PKM: variants seen among roughly 807,000 people sequenced by gnomAD.
PKM encodes the protein pyruvate kinase M1/2.
Under a neutral mutation model 49.8 loss-of-function variants are expected in PKM, and 18 were observed. That is an observed-to-expected ratio of 0.36 (90% CI 0.25 to 0.54). The LOEUF (loss-of-function observed/expected upper bound fraction) is 0.54. PKM is among the 20% of genes least tolerant of loss of function. PKM has a pLI of 0.89. For synonymous variants in PKM, 239 were observed against 261.8 expected, an observed-to-expected ratio of 0.91 and a Z score of 0.84; for missense variants, 508 against 713.8, an observed-to-expected ratio of 0.71 and a Z score of 3.28.
At chr15:72,205,580 A>G (rs989402572) in intron 8 of PKM, among the ~76,000 whole-genome samples, 14 of 151,062 alleles carry the variant, frequency 9.3e-5, no homozygotes, top group Non-Finnish European at 1.8e-4. Flanking sequence ...CAGGATACAT[A>G]GTGAAAAAGG....
In PKM at chr15:72,204,998, G is replaced by C. The variant is rs550389992; in HGVS notation, c.1140+1730C>G. Among the ~76,000 whole-genome samples the C allele has an allele frequency of 4.6e-5, 7 of 152,320 alleles. No individual in the cohort carries two copies. The East Asian group carries it at 1.4e-3, about 29-fold the overall frequency. On this transcript the variant is annotated intron_variant, in intron 8 of 10. Transcript: ENST00000335181. The stretch of plus-strand genomic sequence containing the variant: ...TGGCAATTGTGAGACTGCGCCAAGA[G>C]TATCTAAGCATCAGAACAGCAATCA...
intron 10 of PKM, 80 bp from the exon 11 acceptor site, chr15:72,199,836 G>T: frequency 1.2e-6 from 1 of 867,816 alleles, no homozygotes; most frequent in Non-Finnish European, 1.9e-6. Context: ...CATAGCCTGA[G>T]TACTGAACTA....
At chr15:72,212,846 G>C (rs1041841959) in intron 3 of PKM, among the ~76,000 whole-genome samples, 1 of 152,030 alleles carries the variant, frequency 6.6e-6, no homozygotes, top group Non-Finnish European at 1.5e-5. Flanking sequence ...CCGAGGAGGG[G>C]GGATCACAAG....
chr15:72,224,755 TGA>T (rs1001948464), intron 1 of PKM, among the ~76,000 whole-genome samples: 1 of 151,466 alleles, frequency 6.6e-6, no homozygotes, highest in African/African-American at 2.4e-5. Flanking sequence ...CTTGGGTGGC[TGA>T]GACACAGAAT....
At position 72,224,978 on chromosome 15, in the gene PKM, C is replaced by A. The variant is rs1380543497; in HGVS notation, c.-13-5868G>T. Among the ~76,000 whole-genome samples, 17 of 140,062 alleles carry A rather than the reference C, an allele frequency of 1.2e-4. 1 individual carries two copies. The South Asian group carries it at 3.6e-3, about 30-fold the overall frequency. 91.9% of individuals were successfully genotyped at this position (140,062 alleles called of 152,430 possible). A position where few individuals can be genotyped will look rare whatever the true frequency, so the allele number is the denominator to read the frequency against. On this transcript the variant is annotated intron_variant, in intron 1 of 10. Coordinates refer to ENST00000335181, the MANE Select transcript of PKM (RefSeq NM_002654.6). ...GCTCTGTTGCCCAGGCTGGAGTGCA[C>A]TGGCGCGATCTCAGCTCACTGCAAG... is the stretch of plus-strand genomic sequence containing the variant.
intron 9 of PKM, chr15:72,201,595 C>CT (rs1317090550): frequency 5.3e-5 from 8 of 152,328 alleles, no homozygotes; most frequent in African/African-American, 1.9e-4. Context: ...AAGACTAGAG[C>CT]TTAAAATAGC....
intron 3 of PKM, among the ~76,000 whole-genome samples, chr15:72,214,752 G>C (rs1391256695): frequency 6.6e-6 from 1 of 152,128 alleles, no homozygotes; most frequent in Admixed American, 6.5e-5. Context: ...CCAAGATCGT[G>C]CCACTGCACT....
chr15:72,202,327 G>GCT lies in PKM; in HGVS notation c.1307+126_1307+127insAG. The GCT allele has an allele frequency of 1.1e-6, 1 of 943,988 alleles. No homozygotes were observed. Among genetic ancestry groups the GCT allele is most frequent in the Non-Finnish European group, 1.7e-6 (1 of 603,866 alleles). 58.5% of individuals were successfully genotyped at this position (943,988 alleles called of 1,614,324 possible). Reference sequence around the variant, plus strand: ...CTCAATCCTTCCCTGCAGGCCCAAGGTGGCAGGCAGAGGGGTCTTACCTTG... The same window carrying GCT: ...CTCAATCCTTCCCTGCAGGCCCAAGGCTTGGCAGGCAGAGGGGTCTTACCTTG... On this transcript the variant is annotated intron_variant, in intron 9 of 10. Transcript: ENST00000335181. This position sits in a 1 kb window ranked among gnomAD's most constrained non-coding sequence, Gnocchi z 4.5.
chr15:72,227,744 C>CAAAAAAAAAAAAAAAAAA (rs34876633), intron 1 of PKM, among the ~76,000 whole-genome samples: 2 of 10,806 alleles, frequency 1.9e-4, no homozygotes, highest in African/African-American at 2.9e-4. Context: ...AAAACTATCT[C>CAAAAAAAAAAAAAAAAAA]AAAAAAAAAA....
At position 72,209,799 on chromosome 15, in the gene PKM, C is replaced by T. The variant is rs146173648; in HGVS notation, c.439G>A (p.Ala147Thr). ...GATLKITLDN[A>T]YMEKCDENIL... The stretch of plus-strand genomic sequence containing the variant: ...TTCTCGTCACACTTTTCCATGTAGG[C>T]GTTATCCAGCGTGATTTTGAGAGTG... Residue 147 changes from alanine (A) to threonine (T), a missense_variant, in exon 5 of 11, where the codon GCC (alanine) becomes ACC (threonine). Ala to Thr is a moderately conservative substitution (Grantham distance 58, BLOSUM62 0). Transcript: ENST00000335181. 1.9e-5 allele frequency: 31 copies of T among 1,613,934 alleles called. No individual in the cohort carries two copies. Among genetic ancestry groups the T allele is most frequent in the South Asian group, 1.1e-5 (1 of 91,090 alleles).
chr15:72,230,357 G>A (rs2082821348), intron 1 of PKM, among the ~76,000 whole-genome samples: 1 of 152,190 alleles, frequency 6.6e-6, no homozygotes, highest in Admixed American at 6.5e-5. Context: ...GCCCGCCCCG[G>A]ACACGGGGCC....
At position 72,202,689 on chromosome 15, in the gene PKM, GGA is replaced by G. The variant is rs2081974899; in HGVS notation, c.1141-71_1141-70del. 8 of 1,377,358 alleles carry G rather than the reference GGA, an allele frequency of 5.8e-6. No individual in the cohort carries two copies. The highest frequency in any genetic ancestry group is 1.9e-5 in the Admixed American group (1 of 53,116). 85.3% of individuals were successfully genotyped at this position (1,377,358 alleles called of 1,614,324 possible). ...GCTTTGTCAGAGCTTTGTCACAAAA[GGA>G]GAGGGAGGGGAAGAGTCACCGGACA... On this transcript the variant is annotated intron_variant, in intron 8 of 10. Transcript: ENST00000335181. The surrounding 1 kb of genome is among the most constrained non-coding windows in gnomAD (Gnocchi z 4.5).
intron 8 of PKM, chr15:72,203,579 CT>C (rs1281035678): frequency 9.7e-6 from 3 of 309,498 alleles, no homozygotes; most frequent in Non-Finnish European, 1.9e-5. Context: ...CAGGCCCTCC[CT>C]CCTCACATGG....
At chr15:72,231,516 ACCTGTTGCCG>A (rs1351192518), upstream of PKM, 2 of 152,436 alleles carry the variant, frequency 1.3e-5, no homozygotes, top group African/African-American at 4.8e-5. Flanking sequence ...GCGCCGGGCC[ACCTGTTGCCG>A]CCAAGTTGGG....
At chr15:72,231,038 C>T in intron 1 of PKM, 78 bp downstream of exon 1, 4 of 1,074,360 alleles carry the variant, frequency 3.7e-6, no homozygotes, top group Non-Finnish European at 3.8e-6. Flanking sequence ...CGGGGCCGGC[C>T]GGCGCGCCGG....
At position 72,202,260 on chromosome 15, in the gene PKM, G is replaced by A. The variant is rs141487927; in HGVS notation, c.1307+194C>T. ...ATCCAAATGTTCTGACATTCCTTAT[G>A]AGTGCTACCTAGAGTCCTTTGGGCC... On this transcript the variant is annotated intron_variant, in intron 9 of 10. Coordinates refer to ENST00000335181, the MANE Select transcript of PKM (RefSeq NM_002654.6). This position sits in a 1 kb window ranked among gnomAD's most constrained non-coding sequence, Gnocchi z 4.5. The A allele has an allele frequency of 3.3e-6, 2 of 612,664 alleles. No individual in the cohort carries two copies. Among genetic ancestry groups the A allele is most frequent in the Admixed American group, 2.9e-5 (1 of 34,944 alleles). The allele number at this position is 612,664 out of a possible 1,614,324, so 38.0% of individuals were successfully genotyped here. A position where few individuals can be genotyped will look rare whatever the true frequency, so the allele number is the denominator to read the frequency against.
chr15:72,227,744 C>CAAAAAAAAAAAAAAAAAAAAAAAAAA (rs34876633), intron 1 of PKM, among the ~76,000 whole-genome samples: 1 of 10,808 alleles, frequency 9.3e-5, no homozygotes, highest in Non-Finnish European at 1.8e-4. Flanking sequence ...AAAACTATCT[C>CAAAAAAAAAAAAAAAAAAAAAAAAAA]AAAAAAAAAA....
Position 72,206,740 on chromosome 15 carries a change from G to A in PKM, c.1128C>T (p.Arg376=), listed in dbSNP as rs774928074. 1.9e-6 allele frequency: 3 copies of A among 1,613,066 alleles called. No homozygotes were observed. Among genetic ancestry groups the A allele is most frequent in the Non-Finnish European group, 2.5e-6 (3 of 1,180,042 alleles). The change falls in exon 8 of 11, where the codon CGC becomes CGT. Residue 376 remains arginine, a synonymous_variant. Coordinates refer to ENST00000335181, the MANE Select transcript of PKM (RefSeq NM_002654.6). The part of the protein sequence containing the change: ...AKGDYPLEAV[R]MQHLIAREAE... Reference sequence around the variant, plus strand: ...CCCCAGAACTCACCAGGTGCTGCATGCGCACAGCCTCCAGAGGATAGTCCC... The same window carrying A: ...CCCCAGAACTCACCAGGTGCTGCATACGCACAGCCTCCAGAGGATAGTCCC...
chr15:72,225,781 GT>G (rs1343370169), intron 1 of PKM, among the ~76,000 whole-genome samples: 3 of 152,088 alleles, frequency 2.0e-5, no homozygotes, highest in African/African-American at 7.2e-5. Flanking sequence ...CTCCCTCCCC[GT>G]TAAACTAAGT....
Sources: allele counts gnomAD v4.1 joint callset (sites outside exome capture counted in the v4.1 genomes callset), GRCh38; gene constraint gnomAD v4.1.1; non-coding constraint Gnocchi (gnomAD v3.1); transcripts MANE v1.5; gene names NCBI Gene and HGNC (gene_info 2026-07-23, HGNC 2026-07-21).